The following SNX27 variants were observed in gnomAD, a reference collection of about 807,000 sequenced individuals.
SNX27 encodes the protein sorting nexin-27.
A neutral mutation model predicts 71.6 loss-of-function variants in SNX27; 22 were observed. That is an observed-to-expected ratio of 0.31 (90% CI 0.22 to 0.44). The LOEUF (loss-of-function observed/expected upper bound fraction) is 0.44. Among genes scored for constraint, SNX27 ranks in the 20% least tolerant of loss-of-function variants. The pLI, the probability that SNX27 is intolerant of heterozygous loss-of-function variation, is 1.00. For missense variants in SNX27, 531 were observed against 698.6 expected, an observed-to-expected ratio of 0.76 and a Z score of 2.70; for synonymous variants, 269 against 277.2, an observed-to-expected ratio of 0.97 and a Z score of 0.29.
chr1:151,695,491 G>GCT lies in SNX27; in HGVS notation c.*1076_*1077dup, dbSNP rs975397800. 6.0e-5 allele frequency: 8 copies of GCT among 132,686 alleles called. No individual in the cohort carries two copies. Among genetic ancestry groups the GCT allele is most frequent in the African/African-American group, 2.3e-4 (8 of 35,130 alleles). 8.2% of individuals were successfully genotyped at this position (132,686 alleles called of 1,614,324 possible). On this transcript the variant is annotated 3_prime_UTR_variant, in exon 12 of 12. Transcript: ENST00000458013. ...ACTGGAATGTGGTGGCATGAACATA[G>GCT]CTCACTGTTACCTTGAATTCTGGGC...
At chr1:151,694,130 C>G (rs1316302976) in intron 11 of SNX27, 1 of 1,275,698 alleles carries the variant, frequency 7.8e-7, no homozygotes. Flanking sequence ...TTGGGTAAAT[C>G]AGCCTCCCTA....
chr1:151,616,521 T>A (rs1316401511), intron 1 of SNX27, among the ~76,000 whole-genome samples: 2 of 152,228 alleles, frequency 1.3e-5, no homozygotes, highest in Non-Finnish European at 2.9e-5. Flanking sequence ...TAAAACTGTG[T>A]ATATCAATTT....
At chr1:151,649,188 CTG>C (rs1669209829) in intron 2 of SNX27, among the ~76,000 whole-genome samples, 1 of 152,034 alleles carries the variant, frequency 6.6e-6, no homozygotes, top group African/African-American at 2.4e-5. Flanking sequence ...TCTTGAACTC[CTG>C]ACCTCGTGAT....
chr1:151,623,251 C>T (rs1316263441), intron 1 of SNX27, among the ~76,000 whole-genome samples: 1 of 152,198 alleles, frequency 6.6e-6, no homozygotes, highest in Admixed American at 6.5e-5. Flanking sequence ...AGTGATTCTC[C>T]TGACTCAGCC....
chr1:151,629,506 T>TAC (rs1000493917), intron 1 of SNX27: 3 of 150,996 alleles, frequency 2.0e-5, no homozygotes, highest in East Asian at 1.9e-4. Flanking sequence ...CGTATATATA[T>TAC]ACATATATAC....
At position 151,698,042 on chromosome 1, in the gene SNX27, C is replaced by T. The variant is rs1671860339; in HGVS notation, c.*3625C>T. The T allele has an allele frequency of 6.6e-6, 1 of 152,232 alleles. No individual in the cohort carries two copies. The highest frequency in any genetic ancestry group is 1.5e-5 in the Non-Finnish European group (1 of 68,066). The allele number at this position is 152,232 out of a possible 1,614,324, so 9.4% of individuals were successfully genotyped here. A position where few individuals can be genotyped will look rare whatever the true frequency, so the allele number is the denominator to read the frequency against. Reference sequence around the variant, plus strand: ...CTATTCTCCATTTTTCCACCCCGTCCTTACCCTAGGCCTAAACACAGGTAC... The same window carrying T: ...CTATTCTCCATTTTTCCACCCCGTCTTTACCCTAGGCCTAAACACAGGTAC... On this transcript the variant is annotated 3_prime_UTR_variant, in exon 12 of 12. Transcript: ENST00000458013.
intron 2 of SNX27, among the ~76,000 whole-genome samples, chr1:151,646,863 G>C (rs866917282): frequency 7.5e-4 from 105 of 139,738 alleles, no homozygotes; most frequent in Middle Eastern, 3.5e-3. Context: ...GTTTCTCTCT[G>C]TTGCCCAGGC....
rs371003850 is a variant in SNX27, at chr1:151,682,512, G to A, written c.1150-844G>A. On this transcript the variant is annotated intron_variant, in intron 7 of 11. Coordinates refer to ENST00000458013, the MANE Select transcript of SNX27 (RefSeq NM_001330723.2). ...AATTTTTTGTATTTTTAGTAGAGAC[G>A]GGGTTTCATCATGTTGGCCAGGCTG... Among the ~76,000 whole-genome samples, 277 of 152,022 alleles carry A rather than the reference G, an allele frequency of 1.8e-3. 1 individual carries two copies. The highest frequency in any genetic ancestry group is 6.4e-3 in the African/African-American group (265 of 41,504).
At chr1:151,624,409 TTA>T (rs10577800) in intron 1 of SNX27, among the ~76,000 whole-genome samples, 57,643 of 129,564 alleles carry the variant, frequency 0.44, 13,502 homozygotes, top group Non-Finnish European at 0.54. Flanking sequence ...TAGCTTGATT[TTA>T]TATATATATA....
chr1:151,618,164 A>G (rs575521645), intron 1 of SNX27, among the ~76,000 whole-genome samples: 1 of 151,786 alleles, frequency 6.6e-6, no homozygotes, highest in African/African-American at 2.4e-5. Flanking sequence ...CTGGCTGCTT[A>G]AAATTCAGTT....
At position 151,612,899 on chromosome 1, in the gene SNX27, T is replaced by G. The variant is rs1667252967; in HGVS notation, c.311+387T>G. Among the ~76,000 whole-genome samples, 1 of 152,118 alleles carries G rather than the reference T, an allele frequency of 6.6e-6. No homozygotes were observed. Among genetic ancestry groups the G allele is most frequent in the South Asian group, 2.1e-4 (1 of 4,828 alleles). ...GCTCCTTACTGACGGCGTTTCGTTT[T>G]CTGATCCAGCCAGTACCGTGTCCCC... is the stretch of plus-strand genomic sequence containing the variant. On this transcript the variant is annotated intron_variant, in intron 1 of 11. Coordinates refer to ENST00000458013, the MANE Select transcript of SNX27 (RefSeq NM_001330723.2). This position sits in a 1 kb window ranked among gnomAD's most constrained non-coding sequence, Gnocchi z 5.2.
At chr1:151,669,159 C>A (rs1281002116) in intron 7 of SNX27, 2 of 152,402 alleles carry the variant, frequency 1.3e-5, no homozygotes, top group African/African-American at 4.8e-5. Flanking sequence ...AGCATCTCTT[C>A]ATTTCCCACT....
chr1:151,651,321 G>GC (rs1669344752), intron 2 of SNX27, among the ~76,000 whole-genome samples: 1 of 150,388 alleles, frequency 6.6e-6, no homozygotes, highest in Admixed American at 6.6e-5. Context: ...GGCTGGCGGG[G>GC]CGGGGGGCTG....
At chr1:151,692,360 T>C (rs1453282045) in intron 8 of SNX27, 75 bp from the exon 9 acceptor site, 2 of 1,437,334 alleles carry the variant, frequency 1.4e-6, no homozygotes, top group East Asian at 5.0e-5. Context: ...CAATAGCTCT[T>C]TATTGTGTTT....
At chr1:151,647,108 G>C (rs1669081203) in intron 2 of SNX27, among the ~76,000 whole-genome samples, 1 of 149,444 alleles carries the variant, frequency 6.7e-6, no homozygotes, top group Admixed American at 6.7e-5. Flanking sequence ...TCTACTGACA[G>C]ACAGGTTTAC....
chr1:151,622,147 A>G (rs1372587775), intron 1 of SNX27, among the ~76,000 whole-genome samples: 1 of 152,220 alleles, frequency 6.6e-6, no homozygotes, highest in African/African-American at 2.4e-5. Flanking sequence ...AAATTGCTCA[A>G]ATTTAATTTG....
At chr1:151,643,168 T>C (rs75917599) in intron 2 of SNX27, among the ~76,000 whole-genome samples, 1 of 150,574 alleles carries the variant, frequency 6.6e-6, no homozygotes, top group African/African-American at 2.5e-5. Context: ...TTCTCCATGT[T>C]GGTCAGGCTG....
chr1:151,628,886 T>C (rs1239218869), intron 1 of SNX27, among the ~76,000 whole-genome samples: 1 of 152,240 alleles, frequency 6.6e-6, no homozygotes, highest in African/African-American at 2.4e-5. Flanking sequence ...TACAAGTGTT[T>C]TATCAGATGT....
chr1:151,628,594 C>T (rs1571772645), intron 1 of SNX27, among the ~76,000 whole-genome samples: 1 of 152,226 alleles, frequency 6.6e-6, no homozygotes, highest in Non-Finnish European at 1.5e-5. Flanking sequence ...TTTGTATTCC[C>T]ACCAGCAGTG....
Sources: gnomAD v4.1 joint callset for allele counts (sites outside exome capture counted in the v4.1 genomes callset) on GRCh38, gnomAD v4.1.1 for gene constraint, Gnocchi (gnomAD v3.1) non-coding constraint, MANE v1.5 for transcripts, NCBI Gene and HGNC (gene_info 2026-07-23, HGNC 2026-07-21) for gene names.